Variants in ZNF367 observed in about 807,000 individuals in gnomAD.
ZNF367 encodes the protein C2H2 zinc finger protein ZFF29.
In ZNF367, 11 loss-of-function variants were observed where a neutral mutation model predicts 31.8. That is an observed-to-expected ratio of 0.35 (90% CI 0.22 to 0.57). The LOEUF (loss-of-function observed/expected upper bound fraction) is 0.57, where lower values mean the gene tolerates loss of function less well. Among genes scored for constraint, ZNF367 ranks in the 20% least tolerant of loss-of-function variants. The pLI, the probability that ZNF367 is intolerant of heterozygous loss-of-function variation, is 0.85. For missense variants in ZNF367, 353 were observed against 484.1 expected (o/e 0.73, Z 2.54); for synonymous variants, 199 against 202.4 (o/e 0.98, Z 0.14).
At chr9:96,398,861 C>A (rs891561926) in intron 1 of ZNF367, among the ~76,000 whole-genome samples, 3 of 152,170 alleles carry the variant, frequency 2.0e-5, no homozygotes, top group South Asian at 2.1e-4. Flanking sequence ...TTGCGTTTGC[C>A]TGTTTTGAGC....
intron 1 of ZNF367, chr9:96,407,538 A>G: frequency 7.8e-7 from 1 of 1,285,290 alleles, no homozygotes; most frequent in East Asian, 2.3e-5. Flanking sequence ...CTCCACAGGG[A>G]GCAGTACCTG....
chr9:96,399,269 TC>T (rs1175443774), intron 1 of ZNF367, among the ~76,000 whole-genome samples: 27 of 152,096 alleles, frequency 1.8e-4, no homozygotes, highest in African/African-American at 6.3e-4. Flanking sequence ...AACCACAGTG[TC>T]CCCCAACACA....
In ZNF367 at chr9:96,399,110, C is replaced by G. The variant is rs146411502; in HGVS notation, c.421-796G>C. Among the ~76,000 whole-genome samples, 24 of 152,188 alleles carry G rather than the reference C, an allele frequency of 1.6e-4. No individual in the cohort carries two copies. The East Asian group carries it at 4.6e-3, about 29-fold the overall frequency. On this transcript the variant is annotated intron_variant, in intron 1 of 4. Coordinates refer to ENST00000375256, the MANE Select transcript of ZNF367 (RefSeq NM_153695.4). ...GGGCATTCAACAATGTCCACTTATA[C>G]TAAGGTTAGGAATTTAGAAAGTCAT...
At chr9:96,414,093 C>T (rs1448256473) in intron 1 of ZNF367, among the ~76,000 whole-genome samples, 3 of 152,192 alleles carry the variant, frequency 2.0e-5, no homozygotes, top group Non-Finnish European at 4.4e-5. Context: ...GACTCTCTAT[C>T]TTTGTAGTTC....
Position 96,417,438 on chromosome 9 carries a change from C to CA in ZNF367, c.420+174_420+175insT, listed in dbSNP as rs1231483324. Among the ~76,000 whole-genome samples, 3 of 21,910 alleles carry CA rather than the reference C, an allele frequency of 1.4e-4. No homozygotes were observed. The highest frequency in any genetic ancestry group is 2.1e-4 in the Non-Finnish European group (3 of 14,558). 14.4% of individuals were successfully genotyped at this position (21,910 alleles called of 152,430 possible). A position where few individuals can be genotyped will look rare whatever the true frequency, so the allele number is the denominator to read the frequency against. On this transcript the variant is annotated intron_variant, in intron 1 of 4. Transcript: ENST00000375256. This position sits in a 1 kb window ranked among gnomAD's most constrained non-coding sequence, Gnocchi z 5.0. ...CCGCTCCCGCCTGTCACGTGACAGGCCCCCCCCGACTGGGGCCGGTTTTTG... is the reference window on the plus strand; with the variant it reads ...CCGCTCCCGCCTGTCACGTGACAGGCACCCCCCCGACTGGGGCCGGTTTTTG...
chr9:96,407,292 G>A, intron 1 of ZNF367: 1 of 1,540,402 alleles, frequency 6.5e-7, no homozygotes, highest in East Asian at 2.2e-5. Context: ...CCATGCCACA[G>A]AACGAATATA....
In ZNF367 at chr9:96,398,244, G is replaced by T; in HGVS notation, c.491C>A (p.Ser164Tyr). 1 of 1,613,794 alleles carries T rather than the reference G, an allele frequency of 6.2e-7. No homozygotes were observed. The highest frequency in any genetic ancestry group is 8.5e-7 in the Non-Finnish European group (1 of 1,179,852). The part of the protein sequence containing the change: ...RDLINEGEHS[S>Y]SRIRCNICNR... ...ACAGATGTTACAACGGATTCTGCTG[G>T]ATGAATGCTCTCCTTCATTTATTAA... Residue 164 changes from serine to tyrosine, a missense_variant, in exon 2 of 5, where the codon TCC becomes TAC. Coordinates refer to ENST00000375256, the MANE Select transcript of ZNF367 (RefSeq NM_153695.4).
intron 1 of ZNF367, among the ~76,000 whole-genome samples, chr9:96,410,635 G>A (rs2131081603): frequency 7.1e-6 from 1 of 141,688 alleles, no homozygotes; most frequent in South Asian, 2.3e-4. Context: ...CAACACTTGG[G>A]GAGGCCGAGG....
rs955375277 is a variant in ZNF367, at chr9:96,417,507, CCGTAGCCGGATCGACCT to C, written c.420+89_420+105del. 4 of 259,642 alleles carry C rather than the reference CCGTAGCCGGATCGACCT, an allele frequency of 1.5e-5. No homozygotes were observed. Among genetic ancestry groups the C allele is most frequent in the African/African-American group, 9.1e-5 (4 of 43,774 alleles). 16.1% of individuals were successfully genotyped at this position (259,642 alleles called of 1,614,324 possible). A position where few individuals can be genotyped will look rare whatever the true frequency, so the allele number is the denominator to read the frequency against. On this transcript the variant is annotated intron_variant, in intron 1 of 4. Coordinates refer to ENST00000375256, the MANE Select transcript of ZNF367 (RefSeq NM_153695.4). This position sits in a 1 kb window ranked among gnomAD's most constrained non-coding sequence, Gnocchi z 5.0. ...AGCATCCTGTCAGCCGCAGCCCCCGCCGTAGCCGGATCGACCTCGCGTTTTCAACTCCGCCCCGCCCG... is the reference window on the plus strand; with the variant it reads ...AGCATCCTGTCAGCCGCAGCCCCCGCCGCGTTTTCAACTCCGCCCCGCCCG...
intron 1 of ZNF367, among the ~76,000 whole-genome samples, chr9:96,405,314 CAAAAAAAA>C (rs975848691): frequency 5.4e-5 from 3 of 55,146 alleles, no homozygotes; most frequent in African/African-American, 2.0e-4. Flanking sequence ...AACTCTGTCT[CAAAAAAAA>C]AAAAAAAAAA....
chr9:96,404,186 C>A (rs963191254), intron 1 of ZNF367, among the ~76,000 whole-genome samples: 2 of 151,782 alleles, frequency 1.3e-5, no homozygotes. Flanking sequence ...CAAGGCCGGG[C>A]GCGGTGGCTC....
intron 2 of ZNF367, among the ~76,000 whole-genome samples, chr9:96,396,442 T>C (rs1831530893): frequency 6.6e-6 from 1 of 152,108 alleles, no homozygotes; most frequent in Non-Finnish European, 1.5e-5. Flanking sequence ...TTTCCAGGGA[T>C]TTAACTTAAA....
chr9:96,392,401 G>T lies in ZNF367; in HGVS notation c.827C>A (p.Ala276Glu), dbSNP rs76728140. Residue 276 changes from alanine (A) to glutamate (E), a missense_variant, in exon 4 of 5, where the codon GCG becomes GAG. By Grantham distance (107) the Ala-to-Glu change is moderately radical. Around this residue, in one of 5 missense-constraint regions of ZNF367, gnomAD observed 101 missense variants for 140.0 expected, o/e 0.72. Coordinates refer to ENST00000375256, the MANE Select transcript of ZNF367 (RefSeq NM_153695.4). ...ADNKAAAEWL[A>E]RYWEMREQRT... The stretch of plus-strand genomic sequence containing the variant: ...GACTAAAGGCAGCATTCCTGACCTC[G>T]CCAGCCACTCGGCCGCGGCCTTGTT... The T allele has an allele frequency of 9.9e-6, 16 of 1,613,800 alleles. No individual in the cohort carries two copies. The highest frequency in any genetic ancestry group is 1.3e-5 in the Non-Finnish European group (15 of 1,179,980).
intron 1 of ZNF367, among the ~76,000 whole-genome samples, chr9:96,414,859 ATAACAT>A (rs1156403323): frequency 6.6e-6 from 1 of 152,218 alleles, no homozygotes; most frequent in Admixed American, 6.5e-5. Flanking sequence ...TTTCATCTAT[ATAACAT>A]TAATCTTCTT....
rs1831425888 is a variant in ZNF367 at position 96,388,035 on chromosome 9, T to C, written c.*202A>G. 6.9e-6 allele frequency: 4 copies of C among 576,858 alleles called. No individual in the cohort carries two copies. In the South Asian group the frequency reaches 1.1e-4, roughly 15 times the overall value. The allele number at this position is 576,858 out of a possible 1,614,324, so 35.7% of individuals were successfully genotyped here. On this transcript the variant is annotated 3_prime_UTR_variant, in exon 5 of 5. Coordinates refer to ENST00000375256, the MANE Select transcript of ZNF367 (RefSeq NM_153695.4). ...TGCAGTCCATATTTACAAAATATTT[T>C]AAACTTTACGATGAATTCATTTCCA...
At position 96,386,985 on chromosome 9, in the gene ZNF367, G is replaced by A. The variant is rs1358462213; in HGVS notation, c.*1252C>T. 2 of 152,148 alleles carry A rather than the reference G, an allele frequency of 1.3e-5. No homozygotes were observed. The highest frequency in any genetic ancestry group is 2.9e-5 in the Non-Finnish European group (2 of 68,014). 9.4% of individuals were successfully genotyped at this position (152,148 alleles called of 1,614,324 possible). On this transcript the variant is annotated 3_prime_UTR_variant, in exon 5 of 5. Coordinates refer to ENST00000375256, the MANE Select transcript of ZNF367 (RefSeq NM_153695.4). ...TGTTTAGAACAAAAGCCAAAATGAT[G>A]GAAGTTTTGCCTACATAAAGGAGGT...
At chr9:96,398,361 T>C in intron 1 of ZNF367, 47 bp from the exon 2 acceptor site, 1 of 1,525,694 alleles carries the variant, frequency 6.6e-7, no homozygotes, top group South Asian at 1.2e-5. Context: ...TTAACGCTAC[T>C]CATTAAAGCA....
chr9:96,407,858 A>AG, intron 1 of ZNF367: 1 of 610,074 alleles, frequency 1.6e-6, no homozygotes. Flanking sequence ...CGCCCGCCTT[A>AG]GCCTCCCAAA....
rs2131068215 is a variant in ZNF367, at chr9:96,387,398, G to A, written c.*839C>T. ...AGGTGTCCCTTTAGTAAAAATCCAA[G>A]TGCCAAATCTCATTACAGGGCCCTT... On this transcript the variant is annotated 3_prime_UTR_variant, in exon 5 of 5. Coordinates refer to ENST00000375256, the MANE Select transcript of ZNF367 (RefSeq NM_153695.4). The A allele has an allele frequency of 6.6e-6, 1 of 152,196 alleles. No homozygotes were observed. Among genetic ancestry groups the A allele is most frequent in the African/African-American group, 2.4e-5 (1 of 41,532 alleles). The allele number at this position is 152,196 out of a possible 1,614,324, so 9.4% of individuals were successfully genotyped here.
Sources: allele counts gnomAD v4.1 joint callset (sites outside exome capture counted in the v4.1 genomes callset), GRCh38; gene constraint gnomAD v4.1.1; regional missense constraint gnomAD v4.1.1; non-coding constraint Gnocchi (gnomAD v3.1); transcripts MANE v1.5; gene names NCBI Gene and HGNC (gene_info 2026-07-23, HGNC 2026-07-21).